The following THADA variants were observed in gnomAD, a reference collection of about 807,000 sequenced individuals.
THADA encodes tRNA (32-2'-O)-methyltransferase regulator THADA.
A neutral mutation model predicts 219.8 loss-of-function variants in THADA; 213 were observed. That is an observed-to-expected ratio of 0.97 (90% CI 0.87 to 1.09). THADA has a LOEUF of 1.09. Among genes scored for constraint, THADA ranks in the 50% least tolerant of loss-of-function variants. THADA has a pLI of 0.00. For synonymous variants in THADA, 1,018 were observed against 828.9 expected (o/e 1.23, Z -3.92); for missense variants, 2,956 against 2,311.3 (o/e 1.28, Z -5.72).
At chr2:43,353,904 G>A (rs867961262) in intron 29 of THADA, among the ~76,000 whole-genome samples, 5 of 151,348 alleles carry the variant, frequency 3.3e-5, no homozygotes, top group Middle Eastern at 6.8e-3. Flanking sequence ...TGCAAGCTCC[G>A]CCTCCCAGGT....
intron 36 of THADA, among the ~76,000 whole-genome samples, chr2:43,240,862 C>G (rs1483634593): frequency 6.6e-6 from 1 of 152,158 alleles, no homozygotes; most frequent in Non-Finnish European, 1.5e-5. Context: ...CAAAGAAGAA[C>G]CAAATGTGCT....
At chr2:43,305,522 C>T (rs1676753629) in intron 31 of THADA, among the ~76,000 whole-genome samples, 1 of 152,156 alleles carries the variant, frequency 6.6e-6, no homozygotes, top group Non-Finnish European at 1.5e-5. Flanking sequence ...CCTACTTTTC[C>T]TTGTCCCAGC....
chr2:43,547,789 A>C (rs1319776692), intron 20 of THADA, among the ~76,000 whole-genome samples: 1 of 152,142 alleles, frequency 6.6e-6, no homozygotes, highest in South Asian at 2.1e-4. Flanking sequence ...AAAGTTTTCA[A>C]CTTCTTTGCC....
At position 43,571,722 on chromosome 2, in the gene THADA, A is replaced by G; in HGVS notation, c.2049T>C (p.Cys683=). The G allele has an allele frequency of 6.2e-7, 1 of 1,613,572 alleles. No individual in the cohort carries two copies. The highest frequency in any genetic ancestry group is 8.5e-7 in the Non-Finnish European group (1 of 1,179,692). The change falls in exon 13 of 38, where the codon TGT becomes TGC. Residue 683 remains cysteine, a synonymous_variant. Coordinates refer to ENST00000405975, the MANE Select transcript of THADA (RefSeq NM_022065.5). ...GAAATTCTACCTTTTTAAGAAGAGA[A>G]CAGATCTGTTGCCGCACTCCTGGAG... The part of the protein sequence containing the change: ...SQSPGVRQQI[C]SLLKKLFCRI...
In THADA at chr2:43,427,435, A is replaced by G. The variant is rs118031654; in HGVS notation, c.4058+665T>C. Among the ~76,000 whole-genome samples the G allele has an allele frequency of 7.8e-4, 118 of 150,752 alleles. No individual in the cohort carries two copies. The East Asian group carries it at 0.014, about 18-fold the overall frequency. ...CCTGTACCCACAATATAAGCACCTT[A>G]CTCTGAAACACTGGGGGCAATGGCA... On this transcript the variant is annotated intron_variant, in intron 28 of 37. Transcript: ENST00000405975.
chr2:43,267,523 C>T (rs1237738060), intron 36 of THADA, among the ~76,000 whole-genome samples: 3 of 152,190 alleles, frequency 2.0e-5, no homozygotes, highest in African/African-American at 7.2e-5. Flanking sequence ...GTCCATTTAG[C>T]TCAACACACG....
chr2:43,546,218 C>T (rs1696012377), intron 20 of THADA, among the ~76,000 whole-genome samples: 1 of 151,884 alleles, frequency 6.6e-6, no homozygotes, highest in Non-Finnish European at 1.5e-5. Context: ...AGTTTGATTG[C>T]ACTGTGGTCT....
At position 43,539,088 on chromosome 2, in the gene THADA, C is replaced by T. The variant is rs559679322; in HGVS notation, c.3264+2071G>A. ...TTGAGAGAAAAGTAGATCACAGTTA[C>T]TACTCTGAAGAATAAGAAATGCAAG... On this transcript the variant is annotated intron_variant, in intron 21 of 37. Transcript: ENST00000405975. Among the ~76,000 whole-genome samples the T allele has an allele frequency of 9.6e-4, 147 of 152,346 alleles. 1 individual carries two copies. Among genetic ancestry groups the T allele is most frequent in the African/African-American group, 3.5e-3 (144 of 41,578 alleles).
In THADA at chr2:43,400,470, T is replaced by TATATATATATATATAAAA. The variant is rs1273903312; in HGVS notation, c.4059-2332_4059-2331insTTTTATATATATATATAT. Among the ~76,000 whole-genome samples the TATATATATATATATAAAA allele has an allele frequency of 3.7e-3, 528 of 143,440 alleles. 10 individuals carry two copies. The highest frequency in any genetic ancestry group is 0.013 in the African/African-American group (514 of 38,826). The allele number at this position is 143,440 out of a possible 152,430, so 94.1% of individuals were successfully genotyped here. A position where few individuals can be genotyped will look rare whatever the true frequency, so the allele number is the denominator to read the frequency against. On this transcript the variant is annotated intron_variant, in intron 28 of 37. Transcript: ENST00000405975. Reference sequence around the variant, plus strand: ...TCATAGACAAATTTATATATATATATATATATAAATATATACACTAAGAAA... The same window carrying TATATATATATATATAAAA: ...TCATAGACAAATTTATATATATATATATATATATATATATAAAAATATATAAATATATACACTAAGAAA...
At chr2:43,233,199 A>G in intron 36 of THADA, 1 of 288,370 alleles carries the variant, frequency 3.5e-6, no homozygotes, top group Non-Finnish European at 6.7e-6. Flanking sequence ...AGGATCAGGA[A>G]GGCTTCCCTG....
At chr2:43,321,161 T>A (rs1340673321) in intron 30 of THADA, among the ~76,000 whole-genome samples, 1 of 152,194 alleles carries the variant, frequency 6.6e-6, no homozygotes, top group Non-Finnish European at 1.5e-5. Flanking sequence ...GGTATCTATA[T>A]ACAAAAGGAT....
chr2:43,390,941 G>A (rs1286721656), intron 29 of THADA, among the ~76,000 whole-genome samples: 1 of 152,196 alleles, frequency 6.6e-6, no homozygotes, highest in East Asian at 1.9e-4. Flanking sequence ...ATCCAGAGAA[G>A]CAGTATACTA....
At chr2:43,389,774 C>T (rs1673128485) in intron 29 of THADA, among the ~76,000 whole-genome samples, 1 of 152,190 alleles carries the variant, frequency 6.6e-6, no homozygotes, top group Non-Finnish European at 1.5e-5. Context: ...AAGGTTTATC[C>T]CAAGGCCCAA....
At chr2:43,311,964 C>T (rs1285127533) in intron 31 of THADA, among the ~76,000 whole-genome samples, 3 of 152,056 alleles carry the variant, frequency 2.0e-5, no homozygotes, top group African/African-American at 7.2e-5. Context: ...TTTGGGAGGC[C>T]GAGGCAGGAG....
intron 26 of THADA, among the ~76,000 whole-genome samples, chr2:43,435,957 C>T (rs887471227): frequency 2.0e-5 from 3 of 151,938 alleles, no homozygotes; most frequent in Non-Finnish European, 4.4e-5. Context: ...CATGTGGCAG[C>T]CTGGCCAAAA....
intron 29 of THADA, among the ~76,000 whole-genome samples, chr2:43,351,189 C>A (rs1668213809): frequency 6.6e-6 from 1 of 152,204 alleles, no homozygotes; most frequent in Non-Finnish European, 1.5e-5. Flanking sequence ...TAAAGCCAAG[C>A]TCTGAGGACA....
At chr2:43,419,258 T>C (rs1677396693) in intron 28 of THADA, among the ~76,000 whole-genome samples, 2 of 152,036 alleles carry the variant, frequency 1.3e-5, no homozygotes, top group South Asian at 4.2e-4. Flanking sequence ...GAAGAATAAA[T>C]GGTGAAGAAG....
chr2:43,293,197 G>A lies in THADA; in HGVS notation c.4455C>T (p.Gly1485=), dbSNP rs1322306824. The change falls in exon 32 of 38, where the codon GGC becomes GGT. Residue 1485 remains glycine, a synonymous_variant. Transcript: ENST00000405975. ...KDNQPVLESL[G]FWEEVRGIIS... is the part of the protein sequence containing the mutation. ...TAATCCCTCTGACTTCCTCCCAGAA[G>A]CCAAGACTCTCCAGAACTAAGAAGC... is the stretch of plus-strand genomic sequence containing the variant. The A allele has an allele frequency of 1.9e-6, 3 of 1,610,174 alleles. No individual in the cohort carries two copies. In the South Asian group the frequency reaches 3.3e-5, roughly 18 times the overall value.
At chr2:43,256,453 G>A (rs1004690981) in intron 36 of THADA, among the ~76,000 whole-genome samples, 1 of 151,860 alleles carries the variant, frequency 6.6e-6, no homozygotes, top group Admixed American at 6.6e-5. Context: ...CTTCCAGGCT[G>A]AATGAAGTGC....
Sources: gnomAD v4.1 joint callset for allele counts (sites outside exome capture counted in the v4.1 genomes callset) on GRCh38, gnomAD v4.1.1 for gene constraint, MANE v1.5 for transcripts, NCBI Gene and HGNC (gene_info 2026-07-23, HGNC 2026-07-21) for gene names.